Variants in TRAPPC8 observed in about 807,000 individuals in gnomAD.
TRAPPC8 encodes the protein trafficking protein particle complex subunit 8.
Under a neutral mutation model 174.3 loss-of-function variants are expected in TRAPPC8, and 54 were observed. The ratio of observed to expected loss-of-function variants is 0.31; its 90% CI spans 0.25 to 0.39. TRAPPC8 has a LOEUF of 0.39. TRAPPC8 is among the 10% of genes least tolerant of loss of function. The probability of loss-of-function intolerance (pLI) is 1.00; values close to 1 mark genes in which losing one functional copy is unlikely to be tolerated. For synonymous variants in TRAPPC8, 630 were observed against 579.9 expected, an observed-to-expected ratio of 1.09 and a Z score of -1.24; for missense variants, 1,531 against 1,699.1, an observed-to-expected ratio of 0.90 and a Z score of 1.74.
chr18:31,933,232 C>T lies in TRAPPC8; in HGVS notation c.158-1709G>A, dbSNP rs1223795217. On this transcript the variant is annotated intron_variant, in intron 1 of 28. Coordinates refer to ENST00000283351, the MANE Select transcript of TRAPPC8 (RefSeq NM_014939.5). ...AGGAGAATGGTGTGAACCCGGCGGGCGGAGCTGGCAGTGAGCTGAGATCGT... is the reference window on the plus strand; with the variant it reads ...AGGAGAATGGTGTGAACCCGGCGGGTGGAGCTGGCAGTGAGCTGAGATCGT... Among the ~76,000 whole-genome samples, 11 of 134,268 alleles carry T rather than the reference C, an allele frequency of 8.2e-5. No homozygotes were observed. The South Asian group carries it at 2.8e-3, about 34-fold the overall frequency. The allele number at this position is 134,268 out of a possible 152,430, so 88.1% of individuals were successfully genotyped here.
Position 31,907,476 on chromosome 18 carries a change from T to C in TRAPPC8, c.1373A>G (p.Tyr458Cys), listed in dbSNP as rs946241867. Residue 458 changes from tyrosine to cysteine, a missense_variant, in exon 9 of 29, where the codon TAT (tyrosine) becomes TGT (cysteine). Coordinates refer to ENST00000283351, the MANE Select transcript of TRAPPC8 (RefSeq NM_014939.5). ...AATACCAACCAAGGCACCAGCTGCA[T>C]AAAGCATTGCTTGATCATTAAGAAA... ...KDFLNDQAMLYAAGALEMAAV... is the reference protein window; with the variant it reads ...KDFLNDQAMLCAAGALEMAAV... The C allele has an allele frequency of 6.2e-7, 1 of 1,603,982 alleles. No homozygotes were observed. Among genetic ancestry groups the C allele is most frequent in the Non-Finnish European group, 8.5e-7 (1 of 1,174,060 alleles).
chr18:31,907,002 A>T (rs1275913350), intron 9 of TRAPPC8, among the ~76,000 whole-genome samples: 1 of 152,184 alleles, frequency 6.6e-6, no homozygotes, highest in African/African-American at 2.4e-5. Context: ...TTCTAAAAAA[A>T]TTTTTGTATT....
At chr18:31,898,837 CA>C (rs1228605977) in intron 10 of TRAPPC8, among the ~76,000 whole-genome samples, 1 of 152,166 alleles carries the variant, frequency 6.6e-6, no homozygotes, top group Non-Finnish European at 1.5e-5. Flanking sequence ...CTATTGCTGG[CA>C]AACAGCAGCA....
At chr18:31,940,021 T>A (rs1038314257) in intron 1 of TRAPPC8, among the ~76,000 whole-genome samples, 1 of 152,188 alleles carries the variant, frequency 6.6e-6, no homozygotes, top group Non-Finnish European at 1.5e-5. Flanking sequence ...GTACTTGAAA[T>A]GTGACTAGTA....
At chr18:31,869,940 A>C (rs1318386844) in intron 16 of TRAPPC8, 2 of 152,374 alleles carry the variant, frequency 1.3e-5, no homozygotes, top group Non-Finnish European at 2.9e-5. Flanking sequence ...AAAAATACAA[A>C]AATTAGCTGG....
Position 31,939,082 on chromosome 18 carries a change from C to CAAAAAA in TRAPPC8, c.157+3520_157+3525dup, listed in dbSNP as rs397963630. On this transcript the variant is annotated intron_variant, in intron 1 of 28. Transcript: ENST00000283351. ...CTGGTGACAGAGCGAGACTCCGTCT[C>CAAAAAA]AAAAAAAAAAAAAAAAAAAAAAGCT... Among the ~76,000 whole-genome samples, 61 of 68,030 alleles carry CAAAAAA rather than the reference C, an allele frequency of 9.0e-4. 2 individuals carry two copies. Among genetic ancestry groups the CAAAAAA allele is most frequent in the Non-Finnish European group, 1.3e-3 (49 of 38,680 alleles). The allele number at this position is 68,030 out of a possible 152,430, so 44.6% of individuals were successfully genotyped here.
intron 14 of TRAPPC8, 24 bp downstream of exon 14, chr18:31,873,406 T>C: frequency 6.4e-7 from 1 of 1,559,246 alleles, no homozygotes; most frequent in South Asian, 1.2e-5. Flanking sequence ...ATTAGGTAAT[T>C]AGGCTAAATA....
intron 1 of TRAPPC8, among the ~76,000 whole-genome samples, chr18:31,940,744 G>A (rs943313901): frequency 3.3e-5 from 5 of 152,078 alleles, no homozygotes; most frequent in East Asian, 2.0e-4. Context: ...TGATCCACCC[G>A]CCTCGGCCTC....
intron 9 of TRAPPC8, among the ~76,000 whole-genome samples, chr18:31,902,624 A>T (rs1290612679): frequency 6.6e-6 from 1 of 152,184 alleles, no homozygotes; most frequent in African/African-American, 2.4e-5. Context: ...TATAGAGACA[A>T]AGGGAAAAAA....
At chr18:31,880,665 C>T (rs866529127) in intron 12 of TRAPPC8, among the ~76,000 whole-genome samples, 3 of 151,870 alleles carry the variant, frequency 2.0e-5, no homozygotes, top group Non-Finnish European at 4.4e-5. Flanking sequence ...AGCAATCACG[C>T]AAGAGAAAGA....
At chr18:31,935,621 G>T (rs1207092081) in intron 1 of TRAPPC8, among the ~76,000 whole-genome samples, 1 of 148,576 alleles carries the variant, frequency 6.7e-6, no homozygotes, top group Non-Finnish European at 1.5e-5. Flanking sequence ...TGGACCCACT[G>T]CACCCAGTGA....
intron 24 of TRAPPC8, 96 bp downstream of exon 24, chr18:31,852,350 A>G: frequency 7.1e-7 from 1 of 1,408,456 alleles, no homozygotes; most frequent in Admixed American, 1.9e-5. Context: ...CCCAAAAAAA[A>G]GCGTTTGGGA....
At chr18:31,849,520 G>A (rs752870659) in intron 25 of TRAPPC8, 46 bp downstream of exon 25, 17 of 1,452,038 alleles carry the variant, frequency 1.2e-5, no homozygotes, top group African/African-American at 4.3e-5. Context: ...CTTAAGACTC[G>A]AGTATCTATA....
chr18:31,834,835 C>T (rs1304312694), intron 27 of TRAPPC8, among the ~76,000 whole-genome samples: 1 of 152,204 alleles, frequency 6.6e-6, no homozygotes, highest in East Asian at 1.9e-4. Flanking sequence ...AAACCTCCTA[C>T]TGTCCCATTT....
intron 28 of TRAPPC8, 150 bp downstream of exon 28, chr18:31,831,934 G>T: frequency 2.2e-6 from 1 of 455,950 alleles, no homozygotes; most frequent in Non-Finnish European, 3.8e-6. Flanking sequence ...TAAAGCCTCT[G>T]TAACACATCT....
At chr18:31,912,496 A>C (rs993011453) in intron 5 of TRAPPC8, among the ~76,000 whole-genome samples, 3 of 151,032 alleles carry the variant, frequency 2.0e-5, no homozygotes, top group African/African-American at 7.3e-5. Context: ...TTTGTCTCCA[A>C]AAAAAAAATT....
intron 12 of TRAPPC8, among the ~76,000 whole-genome samples, chr18:31,886,345 G>GAAA (rs397858057): frequency 8.4e-5 from 2 of 23,730 alleles, no homozygotes; most frequent in East Asian, 2.1e-3. Flanking sequence ...GTTTCTTGAG[G>GAAA]AAAAAAAAAA....
intron 1 of TRAPPC8, among the ~76,000 whole-genome samples, chr18:31,935,660 T>C (rs977900421): frequency 1.3e-5 from 2 of 151,092 alleles, no homozygotes; most frequent in Non-Finnish European, 2.9e-5. Flanking sequence ...CTCAGCATTT[T>C]AGGAGGCTAA....
In TRAPPC8 at chr18:31,830,064, C is replaced by A. The variant is rs986742862; in HGVS notation, c.*691G>T. ...TTAAACAGATCAACTCAATAGTTAA[C>A]GTTATATAATAAAGAATATGGTAAT... On this transcript the variant is annotated 3_prime_UTR_variant, in exon 29 of 29. Transcript: ENST00000283351. 6.6e-6 allele frequency: 1 copy of A among 152,260 alleles called. No homozygotes were observed. Among genetic ancestry groups the A allele is most frequent in the East Asian group, 1.9e-4 (1 of 5,194 alleles). The allele number at this position is 152,260 out of a possible 1,614,324, so 9.4% of individuals were successfully genotyped here.
Sources: allele counts gnomAD v4.1 joint callset (sites outside exome capture counted in the v4.1 genomes callset), GRCh38; gene constraint gnomAD v4.1.1; transcripts MANE v1.5; gene names NCBI Gene and HGNC (gene_info 2026-07-23, HGNC 2026-07-21).